Variants in NKAIN2 observed in about 807,000 individuals in gnomAD.
NKAIN2 encodes the protein sodium/potassium transporting ATPase interacting 2, also known as sodium/potassium-transporting ATPase subunit beta-1-interacting protein 2.
A neutral mutation model predicts 32.6 loss-of-function variants in NKAIN2; 14 were observed. The ratio of observed to expected loss-of-function variants is 0.43; its 90% CI spans 0.28 to 0.67. NKAIN2 has a LOEUF of 0.67. Ranked by LOEUF, NKAIN2 falls within the 30% of genes least tolerant of loss-of-function variation. The pLI is 0.17. For missense variants in NKAIN2, 198 were observed against 258.3 expected, an observed-to-expected ratio of 0.77 and a Z score of 1.60; for synonymous variants, 80 against 87.2, an observed-to-expected ratio of 0.92 and a Z score of 0.46.
intron 1 of NKAIN2, among the ~76,000 whole-genome samples, chr6:124,132,440 C>T (rs1168599540): frequency 6.6e-6 from 1 of 152,258 alleles, no homozygotes; most frequent in Non-Finnish European, 1.5e-5. Context: ...TCAAATCCCA[C>T]TGCTAATACC....
rs148729176 is a variant in NKAIN2, at chr6:124,303,332, G to A, written c.192+20190G>A. 1.1e-4 allele frequency among the ~76,000 whole-genome samples: 16 copies of A among 152,318 alleles called. No homozygotes were observed. In the East Asian group the frequency reaches 2.9e-3, roughly 28 times the overall value. On this transcript the variant is annotated intron_variant, in intron 2 of 6. Coordinates refer to ENST00000368417, the MANE Select transcript of NKAIN2 (RefSeq NM_001040214.3). Reference sequence around the variant, plus strand: ...AACAAATCCAGTTTGTTGGTGATGGGTGATTTATTGGGGAACTTATGTAAA... The same window carrying A: ...AACAAATCCAGTTTGTTGGTGATGGATGATTTATTGGGGAACTTATGTAAA...
chr6:124,241,234 A>C (rs1245879628), intron 1 of NKAIN2, among the ~76,000 whole-genome samples: 1 of 152,228 alleles, frequency 6.6e-6, no homozygotes, highest in Non-Finnish European at 1.5e-5. Context: ...TGCTCAAGGA[A>C]ATAAGAGAGG....
At position 124,230,140 on chromosome 6, in the gene NKAIN2, A is replaced by T. The variant is rs1792373772; in HGVS notation, c.55-52865A>T. 2.6e-5 allele frequency among the ~76,000 whole-genome samples: 4 copies of T among 152,134 alleles called. No homozygotes were observed. The South Asian group carries it at 8.3e-4, about 31-fold the overall frequency. On this transcript the variant is annotated intron_variant, in intron 1 of 6. Coordinates refer to ENST00000368417, the MANE Select transcript of NKAIN2 (RefSeq NM_001040214.3). ...GATGATCTCAGATGGAGATGGGGAA[A>T]CTTGTTGAGAGCTGGAGCAAAGGTC...
intron 1 of NKAIN2, among the ~76,000 whole-genome samples, chr6:123,845,427 G>A (rs979119258): frequency 4.3e-4 from 65 of 152,268 alleles, no homozygotes; most frequent in Admixed American, 4.1e-3. Flanking sequence ...AACAATTTTT[G>A]CTCATGTGAT....
intron 3 of NKAIN2, among the ~76,000 whole-genome samples, chr6:124,611,430 A>G (rs1782685096): frequency 6.6e-6 from 1 of 152,180 alleles, no homozygotes; most frequent in Non-Finnish European, 1.5e-5. Flanking sequence ...TTACATAGGT[A>G]TACATGTGCC....
intron 3 of NKAIN2, among the ~76,000 whole-genome samples, chr6:124,375,545 G>A (rs962439065): frequency 6.6e-6 from 1 of 151,122 alleles, no homozygotes; most frequent in Non-Finnish European, 1.5e-5. Flanking sequence ...ATCCACTTTT[G>A]CTCACCCAGA....
intron 3 of NKAIN2, among the ~76,000 whole-genome samples, chr6:124,400,094 G>A (rs1053599996): frequency 2.1e-4 from 32 of 152,082 alleles, no homozygotes; most frequent in Middle Eastern, 6.8e-3. Flanking sequence ...CAGAACATTC[G>A]CGACTTAATT....
chr6:124,383,995 A>G (rs1772769859), intron 3 of NKAIN2, among the ~76,000 whole-genome samples: 1 of 152,188 alleles, frequency 6.6e-6, no homozygotes, highest in African/African-American at 2.4e-5. Flanking sequence ...AGTTGATATC[A>G]GAGGAGTACC....
chr6:123,944,751 C>G (rs752138130), intron 1 of NKAIN2, among the ~76,000 whole-genome samples: 1 of 151,350 alleles, frequency 6.6e-6, no homozygotes, highest in Non-Finnish European at 1.5e-5. Context: ...GCAGCAATGA[C>G]TTGGACTTTT....
At chr6:124,018,930 G>C (rs13204262) in intron 1 of NKAIN2, among the ~76,000 whole-genome samples, 7,844 of 152,186 alleles carry the variant, frequency 0.052, 279 homozygotes, top group South Asian at 0.11. Flanking sequence ...ACATACTTGA[G>C]ACTGGGTAAT....
intron 1 of NKAIN2, among the ~76,000 whole-genome samples, chr6:123,984,117 G>T (rs960663371): frequency 6.6e-6 from 1 of 152,096 alleles, no homozygotes; most frequent in Non-Finnish European, 1.5e-5. Context: ...ATGTTGGTCA[G>T]TCTGGTCTCA....
intron 3 of NKAIN2, among the ~76,000 whole-genome samples, chr6:124,403,202 A>G (rs909502189): frequency 2.0e-5 from 3 of 151,948 alleles, no homozygotes; most frequent in Non-Finnish European, 4.4e-5. Flanking sequence ...TAGTCTAAAC[A>G]TCTAGTTTCA....
chr6:124,149,551 A>G (rs759834097), intron 1 of NKAIN2, among the ~76,000 whole-genome samples: 11 of 152,188 alleles, frequency 7.2e-5, no homozygotes, highest in Non-Finnish European at 5.9e-5. Context: ...TTCTGTCCCC[A>G]TTGGATTATA....
intron 1 of NKAIN2, among the ~76,000 whole-genome samples, chr6:124,245,575 G>A (rs1793353870): frequency 6.6e-6 from 1 of 151,980 alleles, no homozygotes. Flanking sequence ...ATTAACCAGA[G>A]TAAAAAATAT....
intron 1 of NKAIN2, among the ~76,000 whole-genome samples, chr6:124,192,089 T>C (rs530444795): frequency 6.6e-6 from 1 of 152,292 alleles, no homozygotes; most frequent in African/African-American, 2.4e-5. Context: ...TCCTGTTTTC[T>C]ATTTCATTTA....
chr6:124,153,535 T>A (rs755600548), intron 1 of NKAIN2, among the ~76,000 whole-genome samples: 1 of 151,808 alleles, frequency 6.6e-6, no homozygotes, highest in Non-Finnish European at 1.5e-5. Context: ...CTTCTTTCAG[T>A]CCTTCCAGGA....
intron 1 of NKAIN2, among the ~76,000 whole-genome samples, chr6:124,258,153 A>C (rs936398299): frequency 1.6e-4 from 24 of 152,120 alleles, no homozygotes; most frequent in African/African-American, 3.6e-4. Flanking sequence ...AAAAAAAAAA[A>C]AAAACTGAGG....
At chr6:124,092,846 G>A (rs1784491913) in intron 1 of NKAIN2, among the ~76,000 whole-genome samples, 1 of 152,002 alleles carries the variant, frequency 6.6e-6, no homozygotes, top group Non-Finnish European at 1.5e-5. Context: ...GATCTCAGTA[G>A]ATATAAAACT....
chr6:123,942,768 C>G (rs1776880299), intron 1 of NKAIN2, among the ~76,000 whole-genome samples: 1 of 151,928 alleles, frequency 6.6e-6, no homozygotes. Flanking sequence ...AAACATAATC[C>G]TATGAGCCAT....
Sources: gnomAD v4.1 joint callset for allele counts (sites outside exome capture counted in the v4.1 genomes callset) on GRCh38, gnomAD v4.1.1 for gene constraint, MANE v1.5 for transcripts, NCBI Gene and HGNC (gene_info 2026-07-23, HGNC 2026-07-21) for gene names.